The following KAZN variants were observed in gnomAD, a reference collection of about 807,000 sequenced individuals.
KAZN encodes kazrin.
A neutral mutation model predicts 87.4 loss-of-function variants in KAZN; 40 were observed. The observed-to-expected ratio is 0.46, with a 90% CI of 0.36 to 0.60. The LOEUF is 0.60. Ranked by LOEUF, KAZN falls within the 20% of genes least tolerant of loss-of-function variation. KAZN has a pLI of 0.00. For synonymous variants in KAZN, 466 were observed against 458.3 expected, an observed-to-expected ratio of 1.02 and a Z score of -0.22; for missense variants, 898 against 1,073.9, an observed-to-expected ratio of 0.84 and a Z score of 2.29.
At chr1:14,463,877 C>T (rs1667976790) in intron 2 of KAZN, among the ~76,000 whole-genome samples, 1 of 152,194 alleles carries the variant, frequency 6.6e-6, no homozygotes. Context: ...CTCCCCTGCC[C>T]CATCCTATGG....
chr1:14,191,214 GA>G (rs1178010317), intron 2 of KAZN, among the ~76,000 whole-genome samples: 2 of 152,142 alleles, frequency 1.3e-5, no homozygotes, highest in Non-Finnish European at 2.9e-5. Flanking sequence ...GAGGAAGAGT[GA>G]AAAATGGATT....
At chr1:14,840,964 T>C (rs1265388638) in intron 1 of KAZN, among the ~76,000 whole-genome samples, 1 of 152,096 alleles carries the variant, frequency 6.6e-6, no homozygotes, top group Admixed American at 6.5e-5. Context: ...GGAAAGATGA[T>C]AGGTAGATAG....
At chr1:14,876,883 AACTAAAGAAAGTAAGAAAG>A (rs1319614231) in intron 1 of KAZN, among the ~76,000 whole-genome samples, 1 of 152,234 alleles carries the variant, frequency 6.6e-6, no homozygotes, top group Non-Finnish European at 1.5e-5. Flanking sequence ...CTTTGACATG[AACTAAAGAAAGTAAGAAAG>A]CCTTTGGGCA....
intron 1 of KAZN, among the ~76,000 whole-genome samples, chr1:14,129,633 G>A (rs1557498728): frequency 6.6e-6 from 1 of 152,168 alleles, no homozygotes; most frequent in Non-Finnish European, 1.5e-5. Flanking sequence ...CTCACTCAGT[G>A]CCACTCGTCC....
intron 1 of KAZN, among the ~76,000 whole-genome samples, chr1:14,950,875 G>T (rs1199333386): frequency 6.6e-6 from 1 of 152,132 alleles, no homozygotes; most frequent in Non-Finnish European, 1.5e-5. Flanking sequence ...AAGGAAGAGT[G>T]CACAGGGCTT....
chr1:14,911,192 C>G (rs74385032), intron 1 of KAZN, among the ~76,000 whole-genome samples: 2,814 of 152,318 alleles, frequency 0.018, 83 homozygotes, highest in African/African-American at 0.064. Context: ...AGGAAACACC[C>G]CAGGACAGAG....
In KAZN at chr1:13,970,426, G is replaced by T. The variant is rs562173294; in HGVS notation, c.91+76670G>T. On this transcript the variant is annotated intron_variant, in intron 1 of 16. Coordinates refer to the KAZN transcript ENST00000636203. The stretch of plus-strand genomic sequence containing the variant: ...TTACAGGTGAGGAGACTTAGGATCA[G>T]AAGCGTGTATATGATCACATATCTG... 1.5e-4 allele frequency among the ~76,000 whole-genome samples: 23 copies of T among 152,318 alleles called. No homozygotes were observed. In the South Asian group the frequency reaches 4.8e-3, roughly 32 times the overall value.
intron 1 of KAZN, among the ~76,000 whole-genome samples, chr1:14,765,616 G>A (rs1413503935): frequency 6.6e-6 from 1 of 152,170 alleles, no homozygotes; most frequent in Non-Finnish European, 1.5e-5. Flanking sequence ...CAGGGATGTG[G>A]GGCTGGTGCC....
intron 2 of KAZN, among the ~76,000 whole-genome samples, chr1:14,404,360 G>T (rs1237586306): frequency 1.3e-5 from 2 of 152,148 alleles, no homozygotes; most frequent in African/African-American, 4.8e-5. Context: ...GCTGCTCTTT[G>T]TTAGAAAAGA....
At chr1:14,853,199 T>G (rs528530192) in intron 1 of KAZN, among the ~76,000 whole-genome samples, 7 of 152,220 alleles carry the variant, frequency 4.6e-5, no homozygotes, top group Admixed American at 2.0e-4. Flanking sequence ...GGATCTGCGG[T>G]TGCAGGGATG....
At chr1:14,238,331 A>G (rs1648612117) in intron 2 of KAZN, among the ~76,000 whole-genome samples, 1 of 152,174 alleles carries the variant, frequency 6.6e-6, no homozygotes, top group African/African-American at 2.4e-5. Flanking sequence ...ACCAAATGAG[A>G]AGGAAAAGAA....
At chr1:14,246,090 A>G (rs536521632) in intron 2 of KAZN, among the ~76,000 whole-genome samples, 1 of 152,174 alleles carries the variant, frequency 6.6e-6, no homozygotes. Context: ...ACCAAACACC[A>G]CATGTTCTTA....
chr1:14,148,285 C>T (rs1645396593), intron 1 of KAZN, among the ~76,000 whole-genome samples: 1 of 152,206 alleles, frequency 6.6e-6, no homozygotes, highest in Admixed American at 6.5e-5. Context: ...TCCCCTGCTT[C>T]TCCTCTCATC....
intron 2 of KAZN, among the ~76,000 whole-genome samples, chr1:14,454,131 T>A (rs1349256299): frequency 6.6e-6 from 1 of 152,196 alleles, no homozygotes; most frequent in Non-Finnish European, 1.5e-5. Flanking sequence ...AATTTTGGAT[T>A]AATTTTCTCT....
At chr1:14,883,274 A>G (rs1307994625) in intron 1 of KAZN, among the ~76,000 whole-genome samples, 1 of 145,900 alleles carries the variant, frequency 6.9e-6, no homozygotes, top group African/African-American at 2.5e-5. Context: ...CAGCCTGGGC[A>G]AGAAAAGCGA....
At chr1:14,778,344 G>T (rs1645237461) in intron 1 of KAZN, among the ~76,000 whole-genome samples, 1 of 151,894 alleles carries the variant, frequency 6.6e-6, no homozygotes, top group Non-Finnish European at 1.5e-5. Flanking sequence ...CAAAAGGAAG[G>T]GGAGCCTGGC....
At chr1:14,902,604 G>T (rs1299329964) in intron 1 of KAZN, among the ~76,000 whole-genome samples, 1 of 152,092 alleles carries the variant, frequency 6.6e-6, no homozygotes, top group African/African-American at 2.4e-5. Context: ...GAAAAATACA[G>T]TTCCTTTTAC....
In KAZN at chr1:14,432,713, T is replaced by C. The variant is rs560571862; in HGVS notation, c.250-166270T>C. ...ATTAGGTATTTGTCCTAATGTTCTC[T>C]CTCCCCTTTCCCCACCCCCAACCCC... On this transcript the variant is annotated intron_variant, in intron 2 of 16. Transcript: ENST00000636203. Among the ~76,000 whole-genome samples the C allele has an allele frequency of 2.0e-5, 3 of 152,230 alleles. No individual in the cohort carries two copies. In the East Asian group the frequency reaches 5.8e-4, roughly 29 times the overall value.
rs1436413354 is a variant in KAZN at position 14,111,000 on chromosome 1, A to G, written c.92-69435A>G. Among the ~76,000 whole-genome samples, 4 of 134,534 alleles carry G rather than the reference A, an allele frequency of 3.0e-5. 1 individual carries two copies. Among genetic ancestry groups the G allele is most frequent in the Non-Finnish European group, 6.4e-5 (4 of 62,932 alleles). The allele number at this position is 134,534 out of a possible 152,430, so 88.3% of individuals were successfully genotyped here. On this transcript the variant is annotated intron_variant, in intron 1 of 16. Transcript: ENST00000636203. The stretch of plus-strand genomic sequence containing the variant: ...TTTCTGCTGGACAGCATTGCTCTAG[A>G]TAGCATGGGAAATGATGTGGGGGTT...
Sources: allele counts gnomAD v4.1 joint callset (sites outside exome capture counted in the v4.1 genomes callset), GRCh38; gene constraint gnomAD v4.1.1; transcripts MANE v1.5; gene names NCBI Gene and HGNC (gene_info 2026-07-23, HGNC 2026-07-21).